Variants in N4BP3 observed in about 807,000 individuals in gnomAD.
The protein encoded by N4BP3 is NEDD4 binding protein 3.
Under a neutral mutation model 43.8 loss-of-function variants are expected in N4BP3, and 33 were observed. The observed-to-expected ratio is 0.75, with a 90% confidence interval of 0.57 to 1.01. N4BP3 has a LOEUF of 1.01. Ranked by LOEUF, N4BP3 falls within the 50% of genes least tolerant of loss-of-function variation. The pLI, the probability that N4BP3 is intolerant of heterozygous loss-of-function variation, is 0.00. For missense variants in N4BP3, 756 were observed against 744.2 expected (o/e 1.02, Z -0.18); for synonymous variants, 326 against 321.9 (o/e 1.01, Z -0.14).
chr5:178,117,617 CAAAAAA>C (rs1158805938), intron 1 of N4BP3, among the ~76,000 whole-genome samples: 1 of 13,694 alleles, frequency 7.3e-5, no homozygotes, highest in Non-Finnish European at 1.8e-4. Context: ...GACCCTGTCT[CAAAAAA>C]AAAAAAAAAA....
At position 178,121,309 on chromosome 5, in the gene N4BP3, A is replaced by G; in HGVS notation, c.1064A>G (p.Glu355Gly). 6.2e-7 allele frequency: 1 copy of G among 1,605,612 alleles called. No individual in the cohort carries two copies. Among genetic ancestry groups the G allele is most frequent in the Non-Finnish European group, 8.5e-7 (1 of 1,175,096 alleles). Residue 355 changes from glutamate to glycine, a missense_variant, in exon 4 of 5, where the codon GAG becomes GGG. Transcript: ENST00000274605. Reference protein sequence around the residue: ...PEPRAPGTLPEADPSARPEEE... With the variant: ...PEPRAPGTLPGADPSARPEEE... ...CCTCGGGCCCCCGGCACCCTCCCAG[A>G]GGCTGACCCCAGTGCACGACCAGAG...
At chr5:178,126,483 C>T (rs1167243004), downstream of N4BP3, among the ~76,000 whole-genome samples, 1 of 152,196 alleles carries the variant, frequency 6.6e-6, no homozygotes, top group Non-Finnish European at 1.5e-5. Flanking sequence ...TGGCCCACCC[C>T]TGCATTTATT....
rs559180303 is a variant in N4BP3 at position 178,118,932 on chromosome 5, C to A, written c.-30-622C>A. ...CCATGCTGGAGTGCAGTGGTGCGAT[C>A]TCGGCTCACTGCAAGCTCTGCCTCC... On this transcript the variant is annotated intron_variant, in intron 1 of 4. Transcript: ENST00000274605. This position sits in a 1 kb window ranked among gnomAD's most constrained non-coding sequence, Gnocchi z 5.4. Among the ~76,000 whole-genome samples, 45 of 149,784 alleles carry A rather than the reference C, an allele frequency of 3.0e-4. No homozygotes were observed. Among genetic ancestry groups the A allele is most frequent in the African/African-American group, 1.1e-3 (45 of 40,680 alleles).
Position 178,119,812 on chromosome 5 carries a change from C to T in N4BP3, c.229C>T (p.Arg77Trp), listed in dbSNP as rs141201575. Residue 77 changes from arginine to tryptophan, a missense_variant, in exon 2 of 5, where the codon CGG (arginine) becomes TGG (tryptophan). Arg to Trp is a moderately radical substitution (Grantham distance 101). Transcript: ENST00000274605. ...CACCAAGAACACCAAGCGGGCCCCTCGGAACGAGCCTGCCGACTATGCCAC... is the reference window on the plus strand; with the variant it reads ...CACCAAGAACACCAAGCGGGCCCCTTGGAACGAGCCTGCCGACTATGCCAC... Reference protein sequence around the residue: ...KSTKNTKRAPRNEPADYATLY... With the variant: ...KSTKNTKRAPWNEPADYATLY... The T allele has an allele frequency of 2.7e-4, 432 of 1,613,386 alleles. No individual in the cohort carries two copies. The highest frequency in any genetic ancestry group is 3.5e-4 in the Non-Finnish European group (417 of 1,180,026).
In N4BP3 at chr5:178,118,325, T is replaced by C. The variant is rs943130662; in HGVS notation, c.-30-1229T>C. 1.3e-5 allele frequency among the ~76,000 whole-genome samples: 2 copies of C among 152,160 alleles called. No individual in the cohort carries two copies. The highest frequency in any genetic ancestry group is 2.4e-5 in the African/African-American group (1 of 41,426). On this transcript the variant is annotated intron_variant, in intron 1 of 4. Transcript: ENST00000274605. The surrounding 1 kb of genome is among the most constrained non-coding windows in gnomAD (Gnocchi z 5.4). ...GCTGTGGCCCAGGCCCTGAACTGGG[T>C]GCTCTGTCATGTTATCCCACCCCAT...
rs1681846605 is a variant in N4BP3 at position 178,124,210 on chromosome 5, G to A, written c.*2209G>A. On this transcript the variant is annotated 3_prime_UTR_variant, in exon 5 of 5. Transcript: ENST00000274605. Reference sequence around the variant, plus strand: ...GCTCGGCAGAACAGTTCCCCACCCAGCGATTAGGGAGCTGGGCTGGCCAGT... The same window carrying A: ...GCTCGGCAGAACAGTTCCCCACCCAACGATTAGGGAGCTGGGCTGGCCAGT... The A allele has an allele frequency of 6.5e-6, 1 of 152,684 alleles. No individual in the cohort carries two copies. 9.5% of individuals were successfully genotyped at this position (152,684 alleles called of 1,614,324 possible). A position where few individuals can be genotyped will look rare whatever the true frequency, so the allele number is the denominator to read the frequency against.
Position 178,119,729 on chromosome 5 carries a change from G to T in N4BP3, c.146G>T (p.Gly49Val). 1.9e-6 allele frequency: 3 copies of T among 1,613,520 alleles called. No individual in the cohort carries two copies. The highest frequency in any genetic ancestry group is 2.5e-6 in the Non-Finnish European group (3 of 1,180,004). Residue 49 changes from glycine (G) to valine (V), a missense_variant, in exon 2 of 5, where the codon GGC becomes GTC. By Grantham distance (109) the Gly-to-Val change is moderately radical. Coordinates refer to ENST00000274605, the MANE Select transcript of N4BP3 (RefSeq NM_015111.2). The part of the protein sequence containing the change: ...SRQPDGLLRK[G>V]LGQREFLSYL... The stretch of plus-strand genomic sequence containing the variant: ...CAGCCTGATGGGCTCCTCCGGAAGG[G>T]CTTGGGCCAGCGTGAGTTCCTCAGC...
In N4BP3 at chr5:178,119,665, G is replaced by T. The variant is rs1239411125; in HGVS notation, c.82G>T (p.Glu28Ter). 1 of 1,607,234 alleles carries T rather than the reference G, an allele frequency of 6.2e-7. No homozygotes were observed. Among genetic ancestry groups the T allele is most frequent in the African/African-American group, 1.3e-5 (1 of 74,966 alleles). ...LLERQDFSPE[E>*]LRAALAGSRG... The stretch of plus-strand genomic sequence containing the variant: ...GGAACGGCAGGACTTCTCCCCTGAA[G>T]AGCTGCGGGCGGCACTTGCCGGGTC... The change falls in exon 2 of 5, where the codon GAG becomes TAG. Residue 28 changes from glutamate (E) to a stop codon, truncating the protein, a stop_gained. Coordinates refer to ENST00000274605, the MANE Select transcript of N4BP3 (RefSeq NM_015111.2). LOFTEE classifies it high-confidence loss of function.
rs1038740293 is a variant in N4BP3, at chr5:178,118,615, C to T, written c.-30-939C>T. On this transcript the variant is annotated intron_variant, in intron 1 of 4. Coordinates refer to ENST00000274605, the MANE Select transcript of N4BP3 (RefSeq NM_015111.2). This position sits in a 1 kb window ranked among gnomAD's most constrained non-coding sequence, Gnocchi z 5.4. ...CGGAAACTGTGGCCATTGTTCACGT[C>T]ATCCTTCCTCCTTTTGGGCCCTTCC... Among the ~76,000 whole-genome samples, 1 of 152,210 alleles carries T rather than the reference C, an allele frequency of 6.6e-6. No homozygotes were observed. Among genetic ancestry groups the T allele is most frequent in the East Asian group, 1.9e-4 (1 of 5,182 alleles).
intron 1 of N4BP3, among the ~76,000 whole-genome samples, chr5:178,116,681 C>A (rs1046499232): frequency 6.6e-6 from 1 of 152,196 alleles, no homozygotes; most frequent in African/African-American, 2.4e-5. Context: ...TGGTTGTATG[C>A]GCTGTTGCGG....
intron 1 of N4BP3, among the ~76,000 whole-genome samples, chr5:178,115,050 G>C (rs894507282): frequency 6.6e-6 from 1 of 152,284 alleles, no homozygotes; most frequent in East Asian, 1.9e-4. Flanking sequence ...GTGGGATCTT[G>C]GATAACTCAC....
rs1264194162 is a variant in N4BP3, at chr5:178,116,860, C to T, written c.-30-2694C>T. Among the ~76,000 whole-genome samples the T allele has an allele frequency of 2.0e-5, 3 of 152,324 alleles. No homozygotes were observed. The East Asian group carries it at 5.8e-4, about 29-fold the overall frequency. Reference sequence around the variant, plus strand: ...GTATTTGGCACTGCTGCCAACGTCCCCGCCCCCAGGGCCACACAGGGCTTA... The same window carrying T: ...GTATTTGGCACTGCTGCCAACGTCCTCGCCCCCAGGGCCACACAGGGCTTA... On this transcript the variant is annotated intron_variant, in intron 1 of 4. Coordinates refer to ENST00000274605, the MANE Select transcript of N4BP3 (RefSeq NM_015111.2).
intron 1 of N4BP3, among the ~76,000 whole-genome samples, chr5:178,115,427 C>G (rs1757750277): frequency 6.6e-6 from 1 of 152,166 alleles, no homozygotes; most frequent in Non-Finnish European, 1.5e-5. Context: ...GATCCCCCAG[C>G]AGGTGGTGGG....
rs989112066 is a variant in N4BP3 at position 178,123,959 on chromosome 5, C to G, written c.*1958C>G. 2.0e-5 allele frequency: 3 copies of G among 152,760 alleles called. No individual in the cohort carries two copies. In the South Asian group the frequency reaches 6.2e-4, roughly 32 times the overall value. The allele number at this position is 152,760 out of a possible 1,614,324, so 9.5% of individuals were successfully genotyped here. The stretch of plus-strand genomic sequence containing the variant: ...CCTGAGGAGGGAAAGGGGGAGTGGC[C>G]AGGTCAGGCAGGCCAGTCGTCTACA... On this transcript the variant is annotated 3_prime_UTR_variant, in exon 5 of 5. Coordinates refer to ENST00000274605, the MANE Select transcript of N4BP3 (RefSeq NM_015111.2).
chr5:178,120,682 T>C lies in N4BP3; in HGVS notation c.835T>C (p.Ser279Pro). The change falls in exon 3 of 5, where the codon TCC (serine) becomes CCC (proline). Residue 279 changes from serine (S) to proline (P), a missense_variant. Coordinates refer to ENST00000274605, the MANE Select transcript of N4BP3 (RefSeq NM_015111.2). ...GAGGGGCCTTGGCGATGAGGACGGC[T>C]CCAACCCCTTCACGCAGGTGAGGGA... ...LKRGLGDEDG[S>P]NPFTQVLEER... is the part of the protein sequence containing the mutation. 6.3e-7 allele frequency: 1 copy of C among 1,593,878 alleles called. No individual in the cohort carries two copies. Among genetic ancestry groups the C allele is most frequent in the Non-Finnish European group, 8.5e-7 (1 of 1,175,702 alleles).
At chr5:178,114,110 C>T (rs1172362565) in intron 1 of N4BP3, among the ~76,000 whole-genome samples, 1 of 152,150 alleles carries the variant, frequency 6.6e-6, no homozygotes, top group Non-Finnish European at 1.5e-5. Flanking sequence ...GGCAGGCGTC[C>T]TTGGCGCCGG....
intron 1 of N4BP3, among the ~76,000 whole-genome samples, chr5:178,115,253 G>GC (rs1235087841): frequency 3.3e-5 from 5 of 152,236 alleles, no homozygotes; most frequent in African/African-American, 1.2e-4. Context: ...GCAGGCTTTA[G>GC]CCCCTGTCTC....
Position 178,123,313 on chromosome 5 carries a change from T to C in N4BP3, c.*1312T>C, listed in dbSNP as rs968030534. On this transcript the variant is annotated 3_prime_UTR_variant, in exon 5 of 5. Transcript: ENST00000274605. ...GGGCTGCCATGCATTGCGTGCTTACTGGGCGCCAGGTGCTGTGCTGGGCCC... is the reference window on the plus strand; with the variant it reads ...GGGCTGCCATGCATTGCGTGCTTACCGGGCGCCAGGTGCTGTGCTGGGCCC... The C allele has an allele frequency of 1.3e-5, 2 of 152,378 alleles. No individual in the cohort carries two copies. The highest frequency in any genetic ancestry group is 6.5e-5 in the Admixed American group (1 of 15,294). 9.4% of individuals were successfully genotyped at this position (152,378 alleles called of 1,614,324 possible).
Position 178,121,166 on chromosome 5 carries a change from G to C in N4BP3, c.921G>C (p.Glu307Asp), listed in dbSNP as rs753021694. Residue 307 changes from glutamate (E) to aspartate (D), a missense_variant, in exon 4 of 5, where the codon GAG (glutamate) becomes GAC (aspartate). Coordinates refer to ENST00000274605, the MANE Select transcript of N4BP3 (RefSeq NM_015111.2). ...LKRLYVERLH[E>D]VTQKAERSER... ...GCCTGTATGTGGAGCGGCTGCACGA[G>C]GTGACCCAGAAGGCTGAGCGCAGCG... 11 of 1,601,630 alleles carry C rather than the reference G, an allele frequency of 6.9e-6. No individual in the cohort carries two copies. In the South Asian group the frequency reaches 1.0e-4, roughly 14 times the overall value.
Sources: allele counts gnomAD v4.1 joint callset (sites outside exome capture counted in the v4.1 genomes callset), GRCh38; gene constraint gnomAD v4.1.1; non-coding constraint Gnocchi (gnomAD v3.1); transcripts MANE v1.5; gene names NCBI Gene and HGNC (gene_info 2026-07-23, HGNC 2026-07-21).